Variants in CTNNA1 observed in about 807,000 individuals in gnomAD.
CTNNA1 encodes the protein catenin alpha-1.
A neutral mutation model predicts 98.4 loss-of-function variants in CTNNA1; 37 were observed. The ratio of observed to expected loss-of-function variants is 0.38; its 90% CI spans 0.29 to 0.49. The LOEUF (loss-of-function observed/expected upper bound fraction) is 0.49, where lower values mean the gene tolerates loss of function less well. Ranked by LOEUF, CTNNA1 falls within the 20% of genes least tolerant of loss-of-function variation. The probability of loss-of-function intolerance (pLI) is 0.95; values close to 1 mark genes in which losing one functional copy is unlikely to be tolerated. For missense variants in CTNNA1, 761 were observed against 1,147.2 expected, an observed-to-expected ratio of 0.66 and a Z score of 4.86; for synonymous variants, 404 against 413.2, an observed-to-expected ratio of 0.98 and a Z score of 0.27.
At chr5:138,927,082 C>T (rs1240016540) in intron 13 of CTNNA1, among the ~76,000 whole-genome samples, 4 of 152,208 alleles carry the variant, frequency 2.6e-5, no homozygotes, top group South Asian at 2.1e-4. Context: ...TTCTCACCCT[C>T]GTCTAAGCCA....
rs530488947 is a variant in CTNNA1 at position 138,766,150 on chromosome 5, A to G, written c.-3+12640A>G. 2.6e-5 allele frequency among the ~76,000 whole-genome samples: 4 copies of G among 152,252 alleles called. No homozygotes were observed. In the East Asian group the frequency reaches 7.7e-4, roughly 29 times the overall value. On this transcript the variant is annotated intron_variant, in intron 1 of 17. Coordinates refer to ENST00000302763, the MANE Select transcript of CTNNA1 (RefSeq NM_001903.5). ...TCATGGGAGACACACATACACACAC[A>G]CAGATAATAGTGCTATGTGACAAGT...
At chr5:138,852,552 A>G (rs1763298329) in intron 7 of CTNNA1, among the ~76,000 whole-genome samples, 2 of 152,228 alleles carry the variant, frequency 1.3e-5, no homozygotes, top group East Asian at 3.9e-4. Flanking sequence ...TTCTTCCTAT[A>G]TAGGTCATAT....
At chr5:138,779,861 G>A (rs1318893806) in intron 1 of CTNNA1, among the ~76,000 whole-genome samples, 4 of 152,060 alleles carry the variant, frequency 2.6e-5, no homozygotes, top group East Asian at 1.9e-4. Flanking sequence ...GATTACGGGC[G>A]TGTACCACCA....
At chr5:138,766,607 A>T (rs976979126) in intron 1 of CTNNA1, among the ~76,000 whole-genome samples, 1 of 152,060 alleles carries the variant, frequency 6.6e-6, no homozygotes, top group African/African-American at 2.4e-5. Flanking sequence ...TGAGGTGTTT[A>T]CTGAGGTACG....
chr5:138,782,059 A>T, intron 2 of CTNNA1, 30 bp downstream of exon 2: 3 of 1,597,542 alleles, frequency 1.9e-6, no homozygotes, highest in Non-Finnish European at 2.6e-6. Context: ...AATACATTGT[A>T]ACATGGTTCT....
intron 7 of CTNNA1, among the ~76,000 whole-genome samples, chr5:138,877,091 A>G (rs1260615734): frequency 6.6e-6 from 1 of 152,194 alleles, no homozygotes; most frequent in Non-Finnish European, 1.5e-5. Flanking sequence ...CAAAGTTGCC[A>G]GTGAACAGAC....
intron 10 of CTNNA1, among the ~76,000 whole-genome samples, chr5:138,909,978 C>T (rs983671239): frequency 1.3e-5 from 2 of 152,184 alleles, no homozygotes; most frequent in African/African-American, 4.8e-5. Flanking sequence ...CACTTTTCCA[C>T]TTTGGTATTC....
At chr5:138,888,368 G>A (rs543793773) in intron 9 of CTNNA1, among the ~76,000 whole-genome samples, 38 of 152,124 alleles carry the variant, frequency 2.5e-4, no homozygotes, top group South Asian at 1.7e-3. Flanking sequence ...CACAAAATAA[G>A]CATATATTCA....
chr5:138,839,745 G>A (rs1762116962), intron 7 of CTNNA1, among the ~76,000 whole-genome samples: 1 of 152,180 alleles, frequency 6.6e-6, no homozygotes, highest in South Asian at 2.1e-4. Context: ...GGACAGACAG[G>A]GTGGAGTATA....
chr5:138,931,533 C>T, intron 16 of CTNNA1: 1 of 937,438 alleles, frequency 1.1e-6, no homozygotes, highest in East Asian at 1.2e-4. Flanking sequence ...CCTCCTTACA[C>T]AAGCCAAAGA....
intron 6 of CTNNA1, among the ~76,000 whole-genome samples, chr5:138,825,529 T>TAA (rs66958270): frequency 8.6e-6 from 1 of 116,908 alleles, no homozygotes; most frequent in African/African-American, 3.4e-5. Flanking sequence ...TGGGGCTAAT[T>TAA]AAAAAAAAAA....
intron 16 of CTNNA1, chr5:138,931,175 T>G: frequency 8.5e-6 from 4 of 470,814 alleles, no homozygotes; most frequent in East Asian, 3.8e-5. Flanking sequence ...TATGTCTCAG[T>G]TCCCTCTCTC....
At chr5:138,837,725 G>A (rs1761930825) in intron 7 of CTNNA1, among the ~76,000 whole-genome samples, 1 of 151,652 alleles carries the variant, frequency 6.6e-6, no homozygotes, top group Admixed American at 6.6e-5. Flanking sequence ...AGGCTCAGGT[G>A]ATTCTGCCAT....
chr5:138,787,524 T>G (rs750815902), intron 3 of CTNNA1, among the ~76,000 whole-genome samples: 163 of 152,358 alleles, frequency 1.1e-3, no homozygotes, highest in Middle Eastern at 3.4e-3. Context: ...GGGATGGCTG[T>G]GTTCTAATAA....
Position 138,934,099 on chromosome 5 carries a change from G to C in CTNNA1, c.*10G>C, listed in dbSNP as rs753969011. 7 of 1,604,130 alleles carry C rather than the reference G, an allele frequency of 4.4e-6. No homozygotes were observed. Among genetic ancestry groups the C allele is most frequent in the Non-Finnish European group, 6.0e-6 (7 of 1,175,502 alleles). On this transcript the variant is annotated 3_prime_UTR_variant, in exon 18 of 18. Transcript: ENST00000302763. ...TATGGACAGCATCTAAGTCTGCCCA[G>C]GCCGGCCGCCCCCACCCCTCGGGGC...
rs1438309172 is a variant in CTNNA1, at chr5:138,827,500, A to G, written c.859-15A>G. ...CAGAGATGAGTACTAACATTCGGTA[A>G]TACTTTCTCTGCAGAAACAAATCAT... is the stretch of plus-strand genomic sequence containing the variant. On this transcript the variant is annotated splice_polypyrimidine_tract_variant and intron_variant, in intron 6 of 17. Transcript: ENST00000302763. 1.4e-5 allele frequency: 22 copies of G among 1,613,196 alleles called. No individual in the cohort carries two copies. The highest frequency in any genetic ancestry group is 1.8e-5 in the Non-Finnish European group (21 of 1,179,256).
chr5:138,808,685 G>T (rs545441076), intron 3 of CTNNA1, among the ~76,000 whole-genome samples: 119 of 93,878 alleles, frequency 1.3e-3, no homozygotes, highest in African/African-American at 4.5e-3. Context: ...TAGTCTTCTT[G>T]AAAGTGCCTT....
At chr5:138,775,671 C>T (rs970622131) in intron 1 of CTNNA1, among the ~76,000 whole-genome samples, 1 of 149,956 alleles carries the variant, frequency 6.7e-6, no homozygotes, top group African/African-American at 2.5e-5. Context: ...TCCAGAATCA[C>T]TGTGTTTAAG....
intron 11 of CTNNA1, among the ~76,000 whole-genome samples, chr5:138,922,451 T>C (rs1763106996): frequency 6.6e-6 from 1 of 152,234 alleles, no homozygotes; most frequent in Non-Finnish European, 1.5e-5. Context: ...GTGTCCATAA[T>C]ATAATTCCTT....
Sources: allele counts gnomAD v4.1 joint callset (sites outside exome capture counted in the v4.1 genomes callset), GRCh38; gene constraint gnomAD v4.1.1; transcripts MANE v1.5; gene names NCBI Gene and HGNC (gene_info 2026-07-23, HGNC 2026-07-21).